Variants in CNTN5 observed in about 807,000 individuals in gnomAD.
The protein encoded by CNTN5 is contactin-5.
A neutral mutation model predicts 129.1 loss-of-function variants in CNTN5; 77 were observed. The observed-to-expected ratio is 0.60, with a 90% CI of 0.50 to 0.72. The LOEUF (loss-of-function observed/expected upper bound fraction) is 0.72. CNTN5 is among the 30% of genes least tolerant of loss of function. CNTN5 has a pLI of 0.00. For synonymous variants in CNTN5, 509 were observed against 465.6 expected (o/e 1.09, Z -1.20); for missense variants, 1,478 against 1,328.8 (o/e 1.11, Z -1.75).
intron 23 of CNTN5, among the ~76,000 whole-genome samples, chr11:100,344,496 A>G (rs775071846): frequency 2.0e-5 from 3 of 152,138 alleles, no homozygotes; most frequent in Non-Finnish European, 4.4e-5. Flanking sequence ...GGAAGGGGAA[A>G]GGAGAGTGAG....
intron 13 of CNTN5, among the ~76,000 whole-genome samples, chr11:100,107,492 T>C (rs1945485290): frequency 6.7e-6 from 1 of 150,208 alleles, no homozygotes; most frequent in Admixed American, 6.6e-5. Flanking sequence ...AGTATTCTTT[T>C]TTTTTTTTTT....
intron 2 of CNTN5, among the ~76,000 whole-genome samples, chr11:99,415,621 A>G (rs1305148634): frequency 1.3e-5 from 2 of 152,134 alleles, no homozygotes; most frequent in Non-Finnish European, 2.9e-5. Context: ...GGGGGATTCT[A>G]GTTGTTTCTA....
At chr11:99,848,769 A>G (rs1947782302) in intron 6 of CNTN5, among the ~76,000 whole-genome samples, 1 of 152,148 alleles carries the variant, frequency 6.6e-6, no homozygotes, top group African/African-American at 2.4e-5. Context: ...GATTATTTTT[A>G]TGCTGGGCTA....
chr11:100,241,049 A>C (rs528057613), intron 16 of CNTN5, among the ~76,000 whole-genome samples: 5 of 152,310 alleles, frequency 3.3e-5, no homozygotes, highest in African/African-American at 9.6e-5. Flanking sequence ...CTTTGTACAA[A>C]CATGGTACTT....
chr11:99,025,887 C>A (rs574046890), intron 1 of CNTN5, among the ~76,000 whole-genome samples: 1 of 151,314 alleles, frequency 6.6e-6, no homozygotes, highest in Non-Finnish European at 1.5e-5. Flanking sequence ...TGAAATTAAA[C>A]GAAATATAAA....
chr11:99,555,233 T>C (rs11220439), intron 2 of CNTN5, among the ~76,000 whole-genome samples: 11,968 of 151,972 alleles, frequency 0.079, 945 homozygotes, highest in East Asian at 0.33. Flanking sequence ...TAAGGAGGGA[T>C]CAGATACCAA....
At chr11:99,268,335 T>G (rs535671228) in intron 1 of CNTN5, among the ~76,000 whole-genome samples, 1 of 152,016 alleles carries the variant, frequency 6.6e-6, no homozygotes, top group African/African-American at 2.4e-5. Context: ...CTGGCCAAAA[T>G]GATTTAACCA....
rs1944981794 is a variant in CNTN5 at position 100,095,605 on chromosome 11, C to T, written c.1580+21311C>T. Among the ~76,000 whole-genome samples, 4 of 152,110 alleles carry T rather than the reference C, an allele frequency of 2.6e-5. No individual in the cohort carries two copies. The Middle Eastern group carries it at 0.01, about 388-fold the overall frequency. On this transcript the variant is annotated intron_variant, in intron 13 of 24. Coordinates refer to ENST00000524871, the MANE Select transcript of CNTN5 (RefSeq NM_014361.4). ...TAAAAAATTGATTTTAGGTAAAAGG[C>T]TCTATTTGAATATCCTAGAGCAAGA...
At chr11:100,034,044 A>C (rs185593618) in intron 9 of CNTN5, among the ~76,000 whole-genome samples, 25 of 152,030 alleles carry the variant, frequency 1.6e-4, no homozygotes, top group African/African-American at 5.1e-4. Flanking sequence ...TAGAGACTGT[A>C]CTCTCTTACT....
At chr11:99,912,920 G>A (rs537723683) in intron 6 of CNTN5, among the ~76,000 whole-genome samples, 20 of 151,950 alleles carry the variant, frequency 1.3e-4, no homozygotes, top group Non-Finnish European at 2.5e-4. Flanking sequence ...TAGAGTCTTC[G>A]TATTGTGATT....
At chr11:99,471,436 G>T (rs966315243) in intron 2 of CNTN5, among the ~76,000 whole-genome samples, 1 of 152,100 alleles carries the variant, frequency 6.6e-6, no homozygotes, top group East Asian at 1.9e-4. Context: ...TGTCCTTAAG[G>T]TTTCTCCAGG....
chr11:99,446,634 A>G (rs910836012), intron 2 of CNTN5, among the ~76,000 whole-genome samples: 1 of 152,192 alleles, frequency 6.6e-6, no homozygotes, highest in Admixed American at 6.5e-5. Flanking sequence ...ATGAATGTGC[A>G]TTTGAAAAGT....
chr11:100,001,764 CTG>C (rs1476280787), intron 8 of CNTN5, among the ~76,000 whole-genome samples: 2 of 152,088 alleles, frequency 1.3e-5, no homozygotes, highest in Admixed American at 6.5e-5. Flanking sequence ...CAATTAGTAA[CTG>C]TACTACTAAT....
intron 2 of CNTN5, among the ~76,000 whole-genome samples, chr11:99,519,960 A>G (rs1450568302): frequency 6.6e-6 from 1 of 152,068 alleles, no homozygotes; most frequent in East Asian, 1.9e-4. Context: ...TTCTTCCCAC[A>G]TTCATGCTCC....
At chr11:99,900,575 G>T (rs1197136056) in intron 6 of CNTN5, among the ~76,000 whole-genome samples, 16 of 151,336 alleles carry the variant, frequency 1.1e-4, no homozygotes, top group Admixed American at 5.3e-4. Context: ...ACTTGATGTT[G>T]TTGTTTAACA....
chr11:100,170,894 C>CA (rs113893520), intron 13 of CNTN5, among the ~76,000 whole-genome samples: 83,441 of 149,790 alleles, frequency 0.56, 23,567 homozygotes, highest in East Asian at 0.78. Context: ...GAAACAAAAA[C>CA]AAAAAAAAAA....
At chr11:99,628,762 A>T (rs1431567839) in intron 3 of CNTN5, among the ~76,000 whole-genome samples, 3 of 151,982 alleles carry the variant, frequency 2.0e-5, no homozygotes, top group Admixed American at 2.0e-4. Flanking sequence ...AACTGGCATC[A>T]ATTACTTCTG....
chr11:99,248,464 T>G (rs1021793399), intron 1 of CNTN5, among the ~76,000 whole-genome samples: 11 of 152,250 alleles, frequency 7.2e-5, no homozygotes, highest in South Asian at 2.1e-4. Flanking sequence ...CTCTTTAGTT[T>G]AATTAGATCC....
At chr11:100,308,324 C>G in intron 20 of CNTN5, 35 bp from the exon 21 acceptor site, 1 of 1,588,818 alleles carries the variant, frequency 6.3e-7, no homozygotes, top group Middle Eastern at 1.7e-4. Context: ...TGGACATAAA[C>G]TTTTTATAAT....
Sources: allele counts gnomAD v4.1 joint callset (sites outside exome capture counted in the v4.1 genomes callset), GRCh38; gene constraint gnomAD v4.1.1; transcripts MANE v1.5; gene names NCBI Gene and HGNC (gene_info 2026-07-23, HGNC 2026-07-21).